The following TENM4 variants were observed in gnomAD, a reference collection of about 807,000 sequenced individuals.
The protein encoded by TENM4 is teneurin-4.
Under a neutral mutation model 243.3 loss-of-function variants are expected in TENM4, and 82 were observed. That is an observed-to-expected ratio of 0.34 (90% CI 0.28 to 0.40). TENM4 has a LOEUF of 0.40. Among genes scored for constraint, TENM4 ranks in the 10% least tolerant of loss-of-function variants. TENM4 has a pLI of 1.00. For missense variants in TENM4, 3,138 were observed against 3,673.3 expected (o/e 0.85, Z 3.77); for synonymous variants, 1,412 against 1,456.3 (o/e 0.97, Z 0.69).
Position 78,669,897 on chromosome 11 carries a change from T to A in TENM4, c.6448A>T (p.Arg2150Trp). 1 of 1,613,900 alleles carries A rather than the reference T, an allele frequency of 6.2e-7. No individual in the cohort carries two copies. The highest frequency in any genetic ancestry group is 8.5e-7 in the Non-Finnish European group (1 of 1,179,864). The change falls in exon 32 of 34, where the codon AGG (arginine) becomes TGG (tryptophan). Residue 2150 changes from arginine to tryptophan, a missense_variant. This residue lies in a region of TENM4 where 2,467 missense variants were observed against 3,059.1 expected (regional missense o/e 0.81). Transcript: ENST00000278550. This position sits in a 1 kb window ranked among gnomAD's most constrained non-coding sequence, Gnocchi z 6.4. ...THTKHFDAYG[R>W]MKEVQYEIFR... The stretch of plus-strand genomic sequence containing the variant: ...ATCTCATACTGCACTTCCTTCATCC[T>A]GCCATATGCATCAAAATGCTTGGTG...
chr11:78,884,829 T>C (rs1855516080), intron 9 of TENM4, among the ~76,000 whole-genome samples: 1 of 152,192 alleles, frequency 6.6e-6, no homozygotes. Context: ...ATCATAGCCC[T>C]AACATTTACC....
Position 78,889,789 on chromosome 11 carries a change from A to G in TENM4, c.1080T>C (p.Phe360=), listed in dbSNP as rs1181695990. ...SATLVILLAY[F]VAMHLFGLNW... The stretch of plus-strand genomic sequence containing the variant: ...CTGGGGTGAAGAGGTGCTTACCCAC[A>G]AAGTATGCCAGCAGGATGACCAGAG... The change falls in exon 9 of 34, where the codon TTT becomes TTC. Residue 360 remains phenylalanine (F), a synonymous_variant. Coordinates refer to ENST00000278550, the MANE Select transcript of TENM4 (RefSeq NM_001098816.3). The G allele has an allele frequency of 3.9e-6, 6 of 1,552,022 alleles. No homozygotes were observed. The highest frequency in any genetic ancestry group is 5.2e-6 in the Non-Finnish European group (6 of 1,147,022).
At chr11:78,736,106 C>T (rs998612830) in intron 20 of TENM4, among the ~76,000 whole-genome samples, 1 of 151,978 alleles carries the variant, frequency 6.6e-6, no homozygotes, top group Non-Finnish European at 1.5e-5. Flanking sequence ...GTGCATGCCA[C>T]CACACCCAGC....
chr11:79,433,478 T>C (rs1237758213), intron 1 of TENM4, among the ~76,000 whole-genome samples: 2 of 152,210 alleles, frequency 1.3e-5, no homozygotes, highest in East Asian at 3.8e-4. Context: ...ACTGCAACCC[T>C]TTTGTTTGAC....
chr11:79,347,946 A>AT (rs1320980347), intron 1 of TENM4, among the ~76,000 whole-genome samples: 1 of 149,412 alleles, frequency 6.7e-6, no homozygotes, highest in African/African-American at 2.5e-5. Context: ...CGCCCGGCTA[A>AT]TTTTTTGTAT....
At chr11:78,714,066 A>G (rs1164597002) in intron 25 of TENM4, among the ~76,000 whole-genome samples, 1 of 152,208 alleles carries the variant, frequency 6.6e-6, no homozygotes, top group Non-Finnish European at 1.5e-5. Context: ...AACTGTGCTA[A>G]GAGACTCGGG....
chr11:78,702,226 T>C lies in TENM4; in HGVS notation c.4387A>G (p.Ile1463Val). 1 of 1,614,058 alleles carries C rather than the reference T, an allele frequency of 6.2e-7. No homozygotes were observed. ...IDHFLLSKVA[I>V]HATLESATAL... ...GTGGCTGACTCCAGGGTTGCGTGGA[T>C]GGCCACCTTGCTTAGCAGGAAGTGG... The change falls in exon 28 of 34, where the codon ATC becomes GTC. Residue 1463 changes from isoleucine to valine, a missense_variant. By Grantham distance (29) the Ile-to-Val change is conservative. Around this residue, in one of 2 missense-constraint regions of TENM4, gnomAD observed 2,467 missense variants for 3,059.1 expected, o/e 0.81. Coordinates refer to ENST00000278550, the MANE Select transcript of TENM4 (RefSeq NM_001098816.3).
In TENM4 at chr11:78,722,935, C is replaced by T. The variant is rs1356292929; in HGVS notation, c.3551-18G>A. The T allele has an allele frequency of 2.5e-6, 4 of 1,607,298 alleles. No individual in the cohort carries two copies. Among genetic ancestry groups the T allele is most frequent in the Non-Finnish European group, 3.4e-6 (4 of 1,174,078 alleles). On this transcript the variant is annotated intron_variant, in intron 23 of 33. Coordinates refer to ENST00000278550, the MANE Select transcript of TENM4 (RefSeq NM_001098816.3). ...CAGGATGCCTGGGACAAGGAAAGAA[C>T]AGAATTGCCTGTGGAGCAGGAAATG... is the stretch of plus-strand genomic sequence containing the variant.
rs536582539 is a variant in TENM4, at chr11:78,760,777, A to C, written c.2540-3756T>G. Among the ~76,000 whole-genome samples the C allele has an allele frequency of 2.6e-5, 4 of 152,312 alleles. No individual in the cohort carries two copies. In the South Asian group the frequency reaches 8.3e-4, roughly 32 times the overall value. On this transcript the variant is annotated intron_variant, in intron 18 of 33. Coordinates refer to ENST00000278550, the MANE Select transcript of TENM4 (RefSeq NM_001098816.3). ...ATGCTTAGAGGATCTTCTAGCTTTC[A>C]TGTCACTCAACCTCTTCCTTAATTT...
intron 1 of TENM4, among the ~76,000 whole-genome samples, chr11:79,361,906 C>T (rs1012640683): frequency 1.3e-5 from 2 of 152,156 alleles, no homozygotes; most frequent in African/African-American, 2.4e-5. Flanking sequence ...AGAATAAAAC[C>T]TGTATCATAG....
chr11:78,711,913 G>T (rs1296291928), intron 26 of TENM4, among the ~76,000 whole-genome samples: 1 of 152,178 alleles, frequency 6.6e-6, no homozygotes, highest in Admixed American at 6.5e-5. Flanking sequence ...ACCACTCTAT[G>T]TACTTGAATA....
intron 18 of TENM4, among the ~76,000 whole-genome samples, chr11:78,769,856 A>G (rs750185223): frequency 6.6e-6 from 1 of 152,232 alleles, no homozygotes; most frequent in Non-Finnish European, 1.5e-5. Flanking sequence ...GCTGAAACCC[A>G]CTCAAGGCAA....
chr11:79,312,355 C>T (rs1206663400), intron 1 of TENM4, among the ~76,000 whole-genome samples: 1 of 152,162 alleles, frequency 6.6e-6, no homozygotes, highest in East Asian at 1.9e-4. Flanking sequence ...AAAATAATTG[C>T]AGGAAAAAAC....
rs1358252024 is a variant in TENM4 at position 78,976,498 on chromosome 11, T to A, written c.494-72975A>T. On this transcript the variant is annotated intron_variant, in intron 6 of 33. Coordinates refer to ENST00000278550, the MANE Select transcript of TENM4 (RefSeq NM_001098816.3). The stretch of plus-strand genomic sequence containing the variant: ...TCTAAAACAGCTTTTCCCCAGTAAA[T>A]GCCCTGATTCGAAACAGCTTTCCAT... Among the ~76,000 whole-genome samples the A allele has an allele frequency of 5.3e-5, 8 of 152,212 alleles. No individual in the cohort carries two copies. In the East Asian group the frequency reaches 1.5e-3, roughly 29 times the overall value.
At chr11:78,955,140 C>T (rs1019405825) in intron 6 of TENM4, among the ~76,000 whole-genome samples, 5 of 152,230 alleles carry the variant, frequency 3.3e-5, no homozygotes, top group African/African-American at 4.8e-5. Flanking sequence ...CAAACTAGTT[C>T]CAAGCCTTGT....
intron 1 of TENM4, among the ~76,000 whole-genome samples, chr11:79,358,201 C>T (rs1461571994): frequency 6.6e-6 from 1 of 152,196 alleles, no homozygotes; most frequent in Admixed American, 6.5e-5. Context: ...AGCTCTTCAT[C>T]CACTTAGTAA....
intron 1 of TENM4, among the ~76,000 whole-genome samples, chr11:79,328,421 G>A (rs1456732706): frequency 6.6e-6 from 1 of 152,138 alleles, no homozygotes; most frequent in Non-Finnish European, 1.5e-5. Flanking sequence ...CACAGCAGCT[G>A]GAAAGACAGA....
rs188975007 is a variant in TENM4, at chr11:79,035,092, C to T, written c.493+29646G>A. Among the ~76,000 whole-genome samples, 749 of 152,258 alleles carry T rather than the reference C, an allele frequency of 4.9e-3. 2 individuals carry two copies. Among genetic ancestry groups the T allele is most frequent in the Middle Eastern group, 0.024 (7 of 294 alleles). On this transcript the variant is annotated intron_variant, in intron 6 of 33. Coordinates refer to ENST00000278550, the MANE Select transcript of TENM4 (RefSeq NM_001098816.3). Reference sequence around the variant, plus strand: ...CTAAACCTTATTGTTAATCTTCAGACCATAATATTGCCTCTGCTGTTCTGA... The same window carrying T: ...CTAAACCTTATTGTTAATCTTCAGATCATAATATTGCCTCTGCTGTTCTGA...
chr11:79,325,491 C>T (rs1347532872), intron 1 of TENM4, among the ~76,000 whole-genome samples: 1 of 152,178 alleles, frequency 6.6e-6, no homozygotes, highest in African/African-American at 2.4e-5. Context: ...ACCTTGGCTT[C>T]ACCAGTTACT....
Sources: allele counts gnomAD v4.1 joint callset (sites outside exome capture counted in the v4.1 genomes callset), GRCh38; gene constraint gnomAD v4.1.1; regional missense constraint gnomAD v4.1.1; non-coding constraint Gnocchi (gnomAD v3.1); transcripts MANE v1.5; gene names NCBI Gene and HGNC (gene_info 2026-07-23, HGNC 2026-07-21).